LAMC1: variants seen among roughly 807,000 people sequenced by gnomAD.
LAMC1 encodes the protein laminin subunit gamma-1.
A neutral mutation model predicts 173.6 loss-of-function variants in LAMC1; 38 were observed. The observed-to-expected ratio is 0.22, with a 90% confidence interval of 0.17 to 0.29. The LOEUF is 0.29. Among genes scored for constraint, LAMC1 ranks in the 10% least tolerant of loss-of-function variants. LAMC1 has a pLI of 1.00. For synonymous variants in LAMC1, 746 were observed against 749.1 expected, an observed-to-expected ratio of 1.00 and a Z score of 0.07; for missense variants, 1,824 against 2,051.8, an observed-to-expected ratio of 0.89 and a Z score of 2.14.
intron 24 of LAMC1, among the ~76,000 whole-genome samples, chr1:183,135,940 A>T (rs1452495558): frequency 1.3e-5 from 2 of 151,676 alleles, no homozygotes; most frequent in African/African-American, 4.8e-5. Flanking sequence ...CTCTGGTGTC[A>T]GTGGGCCTTG....
intron 11 of LAMC1, among the ~76,000 whole-genome samples, 174 bp downstream of exon 11, chr1:183,118,320 C>A (rs1656378206): frequency 6.6e-6 from 1 of 151,752 alleles, no homozygotes; most frequent in Admixed American, 6.6e-5. Flanking sequence ...CTTTCAAGGA[C>A]CTGGAAAAAA....
In LAMC1 at chr1:183,071,473, T is replaced by C. The variant is rs561718778; in HGVS notation, c.419-31855T>C. On this transcript the variant is annotated intron_variant, in intron 1 of 27. Coordinates refer to ENST00000258341, the MANE Select transcript of LAMC1 (RefSeq NM_002293.4). Reference sequence around the variant, plus strand: ...TGACTCTACATTCCGGCCTCATTATTTGGAGGTTTGATATTTGCATGTTTG... The same window carrying C: ...TGACTCTACATTCCGGCCTCATTATCTGGAGGTTTGATATTTGCATGTTTG... Among the ~76,000 whole-genome samples the C allele has an allele frequency of 6.3e-4, 96 of 152,306 alleles. 1 individual carries two copies. The Middle Eastern group carries it at 0.024, about 38-fold the overall frequency.
intron 1 of LAMC1, among the ~76,000 whole-genome samples, chr1:183,041,285 C>T (rs1375174544): frequency 6.6e-6 from 1 of 152,050 alleles, no homozygotes. Context: ...GTAAACTGTT[C>T]ATAGTAAACA....
chr1:183,120,142 C>T (rs1456940442), intron 11 of LAMC1, among the ~76,000 whole-genome samples: 2 of 125,974 alleles, frequency 1.6e-5, no homozygotes, highest in African/African-American at 2.9e-5. Flanking sequence ...GCACACCAGC[C>T]TGAGTTTACA....
In LAMC1 at chr1:183,121,901, T is replaced by C; in HGVS notation, c.2169T>C (p.Leu723=). Residue 723 remains leucine, a synonymous_variant, in exon 12 of 28, where the codon CTT becomes CTC. Transcript: ENST00000258341. ...TTGGACCATACAGTCCATGTGTGCT[T>C]TGCGCCTGCAATGGACACAGCGAGA... The part of the protein sequence containing the change: ...PNLGPYSPCV[L]CACNGHSETC... 1 of 1,614,174 alleles carries C rather than the reference T, an allele frequency of 6.2e-7. No individual in the cohort carries two copies. The highest frequency in any genetic ancestry group is 8.5e-7 in the Non-Finnish European group (1 of 1,180,028).
chr1:183,084,348 A>C (rs945291419), intron 1 of LAMC1, among the ~76,000 whole-genome samples: 5 of 151,534 alleles, frequency 3.3e-5, no homozygotes, highest in Non-Finnish European at 7.4e-5. Context: ...GTCTCAAGAA[A>C]AAAAAAAAAA....
rs892649686 is a variant in LAMC1, at chr1:183,050,281, C to CTT, written c.418+26166_418+26167dup. ...ATGTTTCTGCTTGTTTTCTCAGATT[C>CTT]TTTTTTTTTTTTTTTTTTTTGAGAC... is the stretch of plus-strand genomic sequence containing the variant. On this transcript the variant is annotated intron_variant, in intron 1 of 27. Transcript: ENST00000258341. Among the ~76,000 whole-genome samples, 147 of 115,506 alleles carry CTT rather than the reference C, an allele frequency of 1.3e-3. 1 individual carries two copies. The highest frequency in any genetic ancestry group is 2.8e-3 in the African/African-American group (82 of 29,182). 75.8% of individuals were successfully genotyped at this position (115,506 alleles called of 152,430 possible). A position where few individuals can be genotyped will look rare whatever the true frequency, so the allele number is the denominator to read the frequency against.
chr1:183,116,879 T>G lies in LAMC1; in HGVS notation c.1540T>G (p.Ser514Ala). 6.2e-7 allele frequency: 1 copy of G among 1,614,146 alleles called. No homozygotes were observed. The highest frequency in any genetic ancestry group is 8.5e-7 in the Non-Finnish European group (1 of 1,179,982). ...CTNAVGYSVY[S>A]ISSTFQIDED... ...AAACGCTGTTGGCTACAGTGTTTAT[T>G]CTATCTCCTCTACCTTTCAGATTGG... Residue 514 changes from serine to alanine, a missense_variant, in exon 8 of 28, where the codon TCT becomes GCT. Ser to Ala is a moderately conservative substitution (Grantham distance 99, BLOSUM62 1). Transcript: ENST00000258341.
intron 2 of LAMC1, among the ~76,000 whole-genome samples, chr1:183,107,554 G>A (rs1015394507): frequency 9.9e-5 from 15 of 152,218 alleles, no homozygotes; most frequent in African/African-American, 1.4e-4. Context: ...GGGGTGGCCA[G>A]GCGTGGTGGC....
At chr1:183,102,188 G>A (rs1440314032) in intron 1 of LAMC1, among the ~76,000 whole-genome samples, 3 of 152,184 alleles carry the variant, frequency 2.0e-5, no homozygotes, top group Non-Finnish European at 2.9e-5. Context: ...GGACTAGTGG[G>A]TACGAGGAAG....
intron 1 of LAMC1, among the ~76,000 whole-genome samples, chr1:183,058,267 A>T (rs1244479516): frequency 6.6e-6 from 1 of 152,180 alleles, no homozygotes; most frequent in African/African-American, 2.4e-5. Flanking sequence ...TCTATTTCAT[A>T]CCTGTAACAT....
intron 1 of LAMC1, among the ~76,000 whole-genome samples, chr1:183,053,437 A>C (rs1654492041): frequency 6.6e-6 from 1 of 150,522 alleles, no homozygotes. Flanking sequence ...TTTTCATTTC[A>C]AACTAATGGG....
At chr1:183,089,584 A>G (rs1655515907) in intron 1 of LAMC1, among the ~76,000 whole-genome samples, 1 of 152,246 alleles carries the variant, frequency 6.6e-6, no homozygotes, top group South Asian at 2.1e-4. Context: ...AGATAAATTT[A>G]AAGAAGTTTC....
chr1:183,104,637 C>T (rs540268818), intron 2 of LAMC1, among the ~76,000 whole-genome samples: 14 of 152,236 alleles, frequency 9.2e-5, no homozygotes, highest in African/African-American at 3.4e-4. Flanking sequence ...TCTTCTTATT[C>T]TTTCTCACCG....
intron 1 of LAMC1, among the ~76,000 whole-genome samples, chr1:183,044,978 A>C (rs2102018240): frequency 6.6e-6 from 1 of 151,908 alleles, no homozygotes; most frequent in Non-Finnish European, 1.5e-5. Context: ...TTTGAAGGTT[A>C]TTAAAATGTA....
intron 4 of LAMC1, among the ~76,000 whole-genome samples, chr1:183,113,407 T>TTA (rs1416278027): frequency 6.6e-6 from 1 of 152,232 alleles, no homozygotes; most frequent in Non-Finnish European, 1.5e-5. Context: ...AATATTTTTT[T>TTA]TAAACAACAT....
chr1:183,059,243 C>T (rs545269067), intron 1 of LAMC1, among the ~76,000 whole-genome samples: 3 of 152,340 alleles, frequency 2.0e-5, no homozygotes, highest in East Asian at 3.9e-4. Flanking sequence ...CTGTTATTAA[C>T]TCAGGCTCAG....
In LAMC1 at chr1:183,036,433, C is replaced by T. The variant is rs1422932240; in HGVS notation, c.418+12299C>T. On this transcript the variant is annotated intron_variant, in intron 1 of 27. Coordinates refer to ENST00000258341, the MANE Select transcript of LAMC1 (RefSeq NM_002293.4). Reference sequence around the variant, plus strand: ...TTTTTTTTTTTTGAGACAAGAGTTTCGCTCTGTCACCCAGGCTGGAGTGCA... The same window carrying T: ...TTTTTTTTTTTTGAGACAAGAGTTTTGCTCTGTCACCCAGGCTGGAGTGCA... Among the ~76,000 whole-genome samples the T allele has an allele frequency of 4.7e-3, 513 of 109,536 alleles. 3 individuals are homozygous for T. The highest frequency in any genetic ancestry group is 0.017 in the African/African-American group (495 of 28,296). 71.9% of individuals were successfully genotyped at this position (109,536 alleles called of 152,430 possible).
intron 1 of LAMC1, among the ~76,000 whole-genome samples, chr1:183,072,955 T>G (rs6665685): frequency 6.6e-6 from 1 of 152,032 alleles, no homozygotes; most frequent in Non-Finnish European, 1.5e-5. Flanking sequence ...CTGATTCTAC[T>G]TTATGGTTAG....
Sources: allele counts gnomAD v4.1 joint callset (sites outside exome capture counted in the v4.1 genomes callset), GRCh38; gene constraint gnomAD v4.1.1; transcripts MANE v1.5; gene names NCBI Gene and HGNC (gene_info 2026-07-23, HGNC 2026-07-21).